The following IFFO2 variants were observed in gnomAD, a reference collection of about 807,000 sequenced individuals.
The protein encoded by IFFO2 is intermediate filament family orphan 2.
IFFO2 carries 19 observed loss-of-function variants against 53.5 expected under a neutral mutation model. The observed-to-expected ratio is 0.36, with a 90% CI of 0.25 to 0.52. The LOEUF is 0.52. Among genes scored for constraint, IFFO2 ranks in the 20% least tolerant of loss-of-function variants. The pLI is 0.94. For missense variants in IFFO2, 570 were observed against 727.4 expected, an observed-to-expected ratio of 0.78 and a Z score of 2.49; for synonymous variants, 303 against 313.6, an observed-to-expected ratio of 0.97 and a Z score of 0.36.
At position 18,955,770 on chromosome 1, in the gene IFFO2, G is replaced by A; in HGVS notation, c.563C>T (p.Pro188Leu). 6.4e-7 allele frequency: 1 copy of A among 1,560,150 alleles called. No homozygotes were observed. The highest frequency in any genetic ancestry group is 8.6e-7 in the Non-Finnish European group (1 of 1,158,804). ...GTCGATCTGCACGCCCACGCCGTCGGGGTGCACCCACGACACGCCGGGGCC... is the reference window on the plus strand; with the variant it reads ...GTCGATCTGCACGCCCACGCCGTCGAGGTGCACCCACGACACGCCGGGGCC... Reference protein sequence around the residue: ...VQGPGVSWVHPDGVGVQIDTI... With the variant: ...VQGPGVSWVHLDGVGVQIDTI... The change falls in exon 1 of 9, where the codon CCC becomes CTC. Residue 188 changes from proline (P) to leucine (L), a missense_variant. Pro to Leu is a moderately conservative substitution (Grantham distance 98, BLOSUM62 -3). Coordinates refer to ENST00000455833, the MANE Select transcript of IFFO2 (RefSeq NM_001136265.2).
In IFFO2 at chr1:18,907,537, C is replaced by G. The variant is rs1455229521; in HGVS notation, c.*1024G>C. ...ACTTTCTCACAGAGAAATTACAGAT[C>G]TCTAAGCCTCTATTGTTGGCTGGCG... On this transcript the variant is annotated 3_prime_UTR_variant, in exon 9 of 9. Transcript: ENST00000455833. 1 of 152,282 alleles carries G rather than the reference C, an allele frequency of 6.6e-6. No homozygotes were observed. The highest frequency in any genetic ancestry group is 2.4e-5 in the African/African-American group (1 of 41,468). The allele number at this position is 152,282 out of a possible 1,614,324, so 9.4% of individuals were successfully genotyped here. A position where few individuals can be genotyped will look rare whatever the true frequency, so the allele number is the denominator to read the frequency against.
chr1:18,913,938 T>TCTCCTGCCTCAGCCTC lies in IFFO2; in HGVS notation c.1104-1871_1104-1856dup, dbSNP rs1553157135. Among the ~76,000 whole-genome samples, 1,164 of 148,102 alleles carry TCTCCTGCCTCAGCCTC rather than the reference T, an allele frequency of 7.9e-3. 18 individuals carry two copies. Among genetic ancestry groups the TCTCCTGCCTCAGCCTC allele is most frequent in the African/African-American group, 0.026 (1,014 of 38,326 alleles). ...CTCCGCCCCCTGGGGTTCACGCCAT[T>TCTCCTGCCTCAGCCTC]CTCCTGCCTCAGCCTCCTGCGTAGC... On this transcript the variant is annotated intron_variant, in intron 5 of 8. Transcript: ENST00000455833.
chr1:18,926,005 T>A (rs868521465), intron 1 of IFFO2, among the ~76,000 whole-genome samples: 5 of 23,566 alleles, frequency 2.1e-4, no homozygotes, highest in African/African-American at 6.4e-4. Flanking sequence ...GATGGATTGG[T>A]TGGATGGATG....
At chr1:18,955,409 GTTA>G (rs1936711016) in intron 1 of IFFO2, among the ~76,000 whole-genome samples, 1 of 152,194 alleles carries the variant, frequency 6.6e-6, no homozygotes, top group African/African-American at 2.4e-5. Context: ...AACACAGACA[GTTA>G]TTATGTCACC....
rs563309922 is a variant in IFFO2, at chr1:18,917,948, C to G, written c.963+414G>C. On this transcript the variant is annotated intron_variant, in intron 4 of 8. Coordinates refer to ENST00000455833, the MANE Select transcript of IFFO2 (RefSeq NM_001136265.2). This position sits in a 1 kb window ranked among gnomAD's most constrained non-coding sequence, Gnocchi z 5.9. ...CTACCAGAGCTCAGGCCAGCTCCCC[C>G]ACTTCTCCCCATAACCTGGCCAGGG... 3.3e-4 allele frequency among the ~76,000 whole-genome samples: 50 copies of G among 152,358 alleles called. No homozygotes were observed. The highest frequency in any genetic ancestry group is 9.8e-4 in the Admixed American group (15 of 15,308).
At chr1:18,952,202 A>T (rs1936667401) in intron 1 of IFFO2, among the ~76,000 whole-genome samples, 1 of 152,304 alleles carries the variant, frequency 6.6e-6, no homozygotes, top group African/African-American at 2.4e-5. Context: ...CAGAGTAGAG[A>T]TGTTTGTTTT....
At chr1:18,923,883 C>A (rs1936247480) in intron 1 of IFFO2, among the ~76,000 whole-genome samples, 1 of 152,062 alleles carries the variant, frequency 6.6e-6, no homozygotes, top group Non-Finnish European at 1.5e-5. Flanking sequence ...TCCACCTCAC[C>A]TCTCCCTTCC....
intron 1 of IFFO2, among the ~76,000 whole-genome samples, chr1:18,942,840 C>CT (rs35473539): frequency 0.37 from 50,370 of 135,114 alleles, 11,026 homozygotes; most frequent in South Asian, 0.55. Context: ...TATATTATTT[C>CT]TTTTTTTTTT....
chr1:18,925,787 TTGGATGGA>T (rs1469596064), intron 1 of IFFO2, among the ~76,000 whole-genome samples: 99 of 133,512 alleles, frequency 7.4e-4, no homozygotes, highest in African/African-American at 2.6e-3. Context: ...GATGGATTGG[TTGGATGGA>T]TGGATGGATT....
At chr1:18,931,909 C>T (rs941636724) in intron 1 of IFFO2, among the ~76,000 whole-genome samples, 47 of 152,352 alleles carry the variant, frequency 3.1e-4, no homozygotes, top group African/African-American at 1.1e-3. Flanking sequence ...CAGATGTGTA[C>T]ACATGGGGTC....
In IFFO2 at chr1:18,955,708, G is replaced by T. The variant is rs779115835; in HGVS notation, c.625C>A (p.Leu209Met). 6.3e-5 allele frequency: 101 copies of T among 1,595,780 alleles called. No homozygotes were observed. Among genetic ancestry groups the T allele is most frequent in the Non-Finnish European group, 7.8e-5 (91 of 1,174,024 alleles). Residue 209 changes from leucine (L) to methionine (M), a missense_variant, in exon 1 of 9, where the codon CTG becomes ATG. Transcript: ENST00000455833. ...TPEIRALYNV[L>M]AKVKRERDEY... is the part of the protein sequence containing the mutation. ...TCGCGCTCGCGCTTCACCTTGGCCA[G>T]CACGTTGTAGAGCGCGCGGATCTCC...
intron 1 of IFFO2, 78 bp downstream of exon 1, chr1:18,955,590 C>T: frequency 1.4e-6 from 2 of 1,475,154 alleles, no homozygotes; most frequent in South Asian, 1.3e-5. Context: ...GCCCGGCCCC[C>T]GTCCCGCATA....
intron 1 of IFFO2, among the ~76,000 whole-genome samples, chr1:18,929,861 T>G (rs1013293948): frequency 3.9e-5 from 6 of 152,156 alleles, no homozygotes; most frequent in Non-Finnish European, 8.8e-5. Context: ...AGTAATGCAA[T>G]GATGTCAAAC....
intron 1 of IFFO2, among the ~76,000 whole-genome samples, chr1:18,943,478 T>C (rs1936546269): frequency 6.6e-6 from 1 of 152,290 alleles, no homozygotes; most frequent in African/African-American, 2.4e-5. Context: ...ATGGTCTTTA[T>C]GGGGAATGAA....
At position 18,924,772 on chromosome 1, in the gene IFFO2, C is replaced by T. The variant is rs1029658132; in HGVS notation, c.666-3651G>A. On this transcript the variant is annotated intron_variant, in intron 1 of 8. Coordinates refer to ENST00000455833, the MANE Select transcript of IFFO2 (RefSeq NM_001136265.2). ...CTCCCTCAGCAGTCCAGGAGCTGTT[C>T]TGTTGGCTGGGGAGGGGTCCTTTCT... Among the ~76,000 whole-genome samples the T allele has an allele frequency of 3.3e-5, 5 of 152,208 alleles. No individual in the cohort carries two copies. The South Asian group carries it at 1.0e-3, about 32-fold the overall frequency.
At chr1:18,937,228 A>T (rs1936461222) in intron 1 of IFFO2, among the ~76,000 whole-genome samples, 1 of 152,222 alleles carries the variant, frequency 6.6e-6, no homozygotes, top group Admixed American at 6.5e-5. Context: ...GGCTTGTGCA[A>T]CCAAGGATGG....
rs546703176 is a variant in IFFO2 at position 18,927,877 on chromosome 1, C to T, written c.666-6756G>A. Among the ~76,000 whole-genome samples, 61 of 152,352 alleles carry T rather than the reference C, an allele frequency of 4.0e-4. No homozygotes were observed. The South Asian group carries it at 0.01, about 25-fold the overall frequency. On this transcript the variant is annotated intron_variant, in intron 1 of 8. Coordinates refer to ENST00000455833, the MANE Select transcript of IFFO2 (RefSeq NM_001136265.2). Reference sequence around the variant, plus strand: ...TGAGCCCTTCTAGAGAACCTGAAAACCACAACCGAGTCAACTTCCTCCTTG... The same window carrying T: ...TGAGCCCTTCTAGAGAACCTGAAAATCACAACCGAGTCAACTTCCTCCTTG...
chr1:18,910,347 T>C lies in IFFO2; in HGVS notation c.1443A>G (p.Ala481=), dbSNP rs771519559. 1.2e-6 allele frequency: 2 copies of C among 1,608,070 alleles called. No individual in the cohort carries two copies. The highest frequency in any genetic ancestry group is 1.7e-6 in the Non-Finnish European group (2 of 1,177,150). The change falls in exon 8 of 9, where the codon GCA becomes GCG. Residue 481 remains alanine (A), a synonymous_variant. Coordinates refer to ENST00000455833, the MANE Select transcript of IFFO2 (RefSeq NM_001136265.2). ...ETCRRLIKGS[A]DRNSPSPSSV... ...CTGGGAGGATGGGCGGGTACCTGTC[T>C]GCGGAGCCTTTGATGAGCCGGCGGC...
At chr1:18,929,335 C>T (rs773864913) in intron 1 of IFFO2, among the ~76,000 whole-genome samples, 7 of 152,202 alleles carry the variant, frequency 4.6e-5, no homozygotes, top group Non-Finnish European at 8.8e-5. Context: ...GTCACCCTGG[C>T]TCTACCCACC....
Sources: gnomAD v4.1 joint callset for allele counts (sites outside exome capture counted in the v4.1 genomes callset) on GRCh38, gnomAD v4.1.1 for gene constraint, Gnocchi (gnomAD v3.1) non-coding constraint, MANE v1.5 for transcripts, NCBI Gene and HGNC (gene_info 2026-07-23, HGNC 2026-07-21) for gene names.